Variants in VPS13A observed in about 807,000 individuals in gnomAD.
VPS13A encodes the protein vacuolar protein sorting 13 homolog A.
A neutral mutation model predicts 390.9 loss-of-function variants in VPS13A; 264 were observed. The observed-to-expected ratio is 0.68, with a 90% confidence interval of 0.61 to 0.75. VPS13A has a LOEUF of 0.75. Among genes scored for constraint, VPS13A ranks in the 30% least tolerant of loss-of-function variants. The pLI, the probability that VPS13A is intolerant of heterozygous loss-of-function variation, is 0.00. For synonymous variants in VPS13A, 1,231 were observed against 1,227.1 expected, an observed-to-expected ratio of 1.00 and a Z score of -0.07; for missense variants, 3,409 against 3,733.9, an observed-to-expected ratio of 0.91 and a Z score of 2.27.
In VPS13A at chr9:77,275,369, G is replaced by A. The variant is rs79189493; in HGVS notation, c.2513-129G>A. 8.1e-4 allele frequency: 704 copies of A among 873,604 alleles called. 4 individuals carry two copies. The East Asian group carries it at 0.016, about 20-fold the overall frequency. The allele number at this position is 873,604 out of a possible 1,614,324, so 54.1% of individuals were successfully genotyped here. A position where few individuals can be genotyped will look rare whatever the true frequency, so the allele number is the denominator to read the frequency against. On this transcript the variant is annotated intron_variant, in intron 24 of 71. Coordinates refer to ENST00000360280, the MANE Select transcript of VPS13A (RefSeq NM_033305.3). ...GTCTATATTATTTTCTGTTTATTTC[G>A]GTTCTCATGTTAATATTTGATATTT...
In VPS13A at chr9:77,275,602, G is replaced by T. The variant is rs753622046; in HGVS notation, c.2617G>T (p.Asp873Tyr). ...SIRTRKLQKQDCSVNMTTFKI... is the reference protein window; with the variant it reads ...SIRTRKLQKQYCSVNMTTFKI... The stretch of plus-strand genomic sequence containing the variant: ...TCGAACCAGAAAGTTACAAAAGCAG[G>T]ATTGTTCAGTAAATATGACTACATT... Residue 873 changes from aspartate to tyrosine, a missense_variant, in exon 25 of 72, where the codon GAT (aspartate) becomes TAT (tyrosine). Around this residue, in one of 5 missense-constraint regions of VPS13A, gnomAD observed 2,717 missense variants for 2,917.4 expected, o/e 0.93. Coordinates refer to ENST00000360280, the MANE Select transcript of VPS13A (RefSeq NM_033305.3). 5 of 1,613,640 alleles carry T rather than the reference G, an allele frequency of 3.1e-6. No homozygotes were observed. The highest frequency in any genetic ancestry group is 4.2e-6 in the Non-Finnish European group (5 of 1,179,718).
intron 71 of VPS13A, among the ~76,000 whole-genome samples, chr9:77,411,046 C>G (rs1436346497): frequency 6.6e-6 from 1 of 152,202 alleles, no homozygotes; most frequent in African/African-American, 2.4e-5. Context: ...AAGTAAAGCA[C>G]TCCTCAGCAA....
chr9:77,295,538 A>T lies in VPS13A; in HGVS notation c.3508-4A>T. The stretch of plus-strand genomic sequence containing the variant: ...CTTAAGAATATAATTCTGTTATCTT[A>T]CAGGCTTTTATAGATAATTTTCAGG... On this transcript the variant is annotated splice_polypyrimidine_tract_variant and splice_region_variant and intron_variant, in intron 32 of 71. Transcript: ENST00000360280. 1 of 1,597,984 alleles carries T rather than the reference A, an allele frequency of 6.3e-7. No homozygotes were observed. The highest frequency in any genetic ancestry group is 1.1e-5 in the South Asian group (1 of 88,860).
chr9:77,299,846 A>C lies in VPS13A; in HGVS notation c.3813-3069A>C, dbSNP rs150400773. Among the ~76,000 whole-genome samples the C allele has an allele frequency of 2.0e-5, 3 of 152,118 alleles. No homozygotes were observed. The South Asian group carries it at 6.2e-4, about 32-fold the overall frequency. On this transcript the variant is annotated intron_variant, in intron 33 of 71. Transcript: ENST00000360280. The stretch of plus-strand genomic sequence containing the variant: ...GGAACAGAAAACCAAATACCACCAC[A>C]TGTTCTCACTCATAAGTGGGAGTTG...
At position 77,404,392 on chromosome 9, in the gene VPS13A, T is replaced by A. The variant is rs191492030; in HGVS notation, c.9275+1071T>A. On this transcript the variant is annotated intron_variant, in intron 69 of 71. Coordinates refer to ENST00000360280, the MANE Select transcript of VPS13A (RefSeq NM_033305.3). ...GTCAACGTATGGACAGCTGTCTTAA[T>A]TTGTAAATTCCTGCCTAATATTTAT... 1.6e-4 allele frequency among the ~76,000 whole-genome samples: 25 copies of A among 152,368 alleles called. No homozygotes were observed. In the East Asian group the frequency reaches 4.0e-3, roughly 25 times the overall value.
intron 19 of VPS13A, among the ~76,000 whole-genome samples, chr9:77,240,279 G>A (rs993337223): frequency 7.9e-5 from 12 of 151,426 alleles, no homozygotes; most frequent in Admixed American, 3.9e-4. Context: ...TAGAGATGGG[G>A]TTTCACTGTG....
rs776926557 is a variant in VPS13A, at chr9:77,276,230, C to A, written c.2824+9C>A. ...ATGCCCAGAATACTTGGGTAAGAAT[C>A]TCTATTTTTTAAAATAAATAAATTA... On this transcript the variant is annotated intron_variant, in intron 26 of 71. Transcript: ENST00000360280. 3 of 1,581,402 alleles carry A rather than the reference C, an allele frequency of 1.9e-6. No individual in the cohort carries two copies. The highest frequency in any genetic ancestry group is 1.7e-6 in the Non-Finnish European group (2 of 1,165,496).
At chr9:77,334,047 G>C (rs1175045947) in intron 46 of VPS13A, among the ~76,000 whole-genome samples, 1 of 152,138 alleles carries the variant, frequency 6.6e-6, no homozygotes, top group East Asian at 1.9e-4. Context: ...ATTAATGACT[G>C]ACTCCTGGGC....
At chr9:77,324,429 C>A (rs1373543715) in intron 45 of VPS13A, among the ~76,000 whole-genome samples, 1 of 152,076 alleles carries the variant, frequency 6.6e-6, no homozygotes, top group African/African-American at 2.4e-5. Flanking sequence ...CCCTTCTATT[C>A]CTAGTGTGCT....
chr9:77,368,289 A>C (rs1432614276), intron 62 of VPS13A, among the ~76,000 whole-genome samples, 153 bp downstream of exon 62: 2 of 152,230 alleles, frequency 1.3e-5, no homozygotes, highest in Non-Finnish European at 1.5e-5. Context: ...TATAAAAAGA[A>C]ATTAAGCTCA....
rs1829620019 is a variant in VPS13A at position 77,319,641 on chromosome 9, G to A, written c.5383G>A (p.Glu1795Lys). The stretch of plus-strand genomic sequence containing the variant: ...TGAACCCTTAGAAATTGATCAGACT[G>A]AGGATTTTAGACCATGGAATCTTGG... Reference protein sequence around the residue: ...LLEPLEIDQTEDFRPWNLGIK... With the variant: ...LLEPLEIDQTKDFRPWNLGIK... Residue 1795 changes from glutamate (E) to lysine (K), a missense_variant, in exon 42 of 72, where the codon GAG becomes AAG. Physicochemically the swap from Glu to Lys is moderately conservative, Grantham distance 56. Coordinates refer to ENST00000360280, the MANE Select transcript of VPS13A (RefSeq NM_033305.3). 1 of 1,609,496 alleles carries A rather than the reference G, an allele frequency of 6.2e-7. No individual in the cohort carries two copies. The highest frequency in any genetic ancestry group is 1.3e-5 in the African/African-American group (1 of 74,736).
chr9:77,404,817 G>C (rs1397135376), intron 69 of VPS13A, among the ~76,000 whole-genome samples: 1 of 152,186 alleles, frequency 6.6e-6, no homozygotes, highest in Non-Finnish European at 1.5e-5. Context: ...TGGCCAGCCT[G>C]TCTGTGATTT....
intron 23 of VPS13A, among the ~76,000 whole-genome samples, chr9:77,266,772 A>G (rs933873843): frequency 4.6e-5 from 7 of 151,660 alleles, no homozygotes; most frequent in African/African-American, 7.3e-5. Flanking sequence ...ACTTGGTTCT[A>G]TTGTCCCCGT....
At position 77,353,435 on chromosome 9, in the gene VPS13A, G is replaced by T. The variant is rs748257173; in HGVS notation, c.7446G>T (p.Gly2482=). ...KDDMMMPIDL[G]EKTIYLVSFF... ...ATATGATGATGCCTATAGATTTGGG[G>T]GAAAAGACAATATATTTAGTTTCAT... The change falls in exon 54 of 72, where the codon GGG becomes GGT. Residue 2482 remains glycine, a synonymous_variant. Transcript: ENST00000360280. 1.2e-6 allele frequency: 2 copies of T among 1,610,680 alleles called. No homozygotes were observed. Among genetic ancestry groups the T allele is most frequent in the Non-Finnish European group, 1.7e-6 (2 of 1,178,626 alleles).
At chr9:77,179,775 A>AACCAC (rs149899149) in intron 1 of VPS13A, among the ~76,000 whole-genome samples, 29,310 of 151,026 alleles carry the variant, frequency 0.19, 3,657 homozygotes, top group East Asian at 0.39. Flanking sequence ...GTATAGTCAC[A>AACCAC]AAATTGTACA....
chr9:77,340,486 G>A lies in VPS13A; in HGVS notation c.6962G>A (p.Ser2321Asn). The change falls in exon 50 of 72, where the codon AGC (serine) becomes AAC (asparagine). Residue 2321 changes from serine to asparagine, a missense_variant. By Grantham distance (46) the Ser-to-Asn change is conservative. Coordinates refer to ENST00000360280, the MANE Select transcript of VPS13A (RefSeq NM_033305.3). ...CCTTTTTATATGATTAAAAACAAAA[G>A]CAAATACCATATATCAGTGGCTGAA... ...FTPFYMIKNK[S>N]KYHISVAEEG... is the part of the protein sequence containing the mutation. 1.2e-6 allele frequency: 2 copies of A among 1,613,240 alleles called. No individual in the cohort carries two copies. Among genetic ancestry groups the A allele is most frequent in the Non-Finnish European group, 1.7e-6 (2 of 1,179,652 alleles).
chr9:77,319,428 T>G, intron 41 of VPS13A, 144 bp from the exon 42 acceptor site: 1 of 655,848 alleles, frequency 1.5e-6, no homozygotes. Context: ...GTTAGCCAGG[T>G]GAGGAAAATG....
chr9:77,335,463 C>T (rs1170027789), intron 46 of VPS13A, among the ~76,000 whole-genome samples: 1 of 151,758 alleles, frequency 6.6e-6, no homozygotes, highest in Non-Finnish European at 1.5e-5. Context: ...ATCCATCTGA[C>T]AAAGGACTAA....
At chr9:77,371,707 G>A (rs867156115) in intron 67 of VPS13A, among the ~76,000 whole-genome samples, 47 of 149,874 alleles carry the variant, frequency 3.1e-4, no homozygotes, top group African/African-American at 8.6e-4. Flanking sequence ...TGCACATTGC[G>A]CAGGTTAGTT....
Sources: gnomAD v4.1 joint callset for allele counts (sites outside exome capture counted in the v4.1 genomes callset) on GRCh38, gnomAD v4.1.1 for gene constraint, gnomAD v4.1.1 regional missense constraint, MANE v1.5 for transcripts, NCBI Gene and HGNC (gene_info 2026-07-23, HGNC 2026-07-21) for gene names.